FSTL4: variants seen among roughly 807,000 people sequenced by gnomAD.
The protein encoded by FSTL4 is follistatin like 4.
A neutral mutation model predicts 78.2 loss-of-function variants in FSTL4; 28 were observed. The ratio of observed to expected loss-of-function variants is 0.36; its 90% CI spans 0.27 to 0.49. The LOEUF (loss-of-function observed/expected upper bound fraction) is 0.49, where lower values mean the gene tolerates loss of function less well. Ranked by LOEUF, FSTL4 falls within the 20% of genes least tolerant of loss-of-function variation. The pLI is 0.98. For synonymous variants in FSTL4, 422 were observed against 440.5 expected, an observed-to-expected ratio of 0.96 and a Z score of 0.53; for missense variants, 922 against 1,084.9, an observed-to-expected ratio of 0.85 and a Z score of 2.11.
chr5:133,731,847 T>A, the FSTL4 span, among the ~76,000 whole-genome samples: 10 of 152,094 alleles, frequency 6.6e-5, no homozygotes, highest in African/African-American at 1.7e-4. Context: ...AGAGACTTAC[T>A]CCAAAAGAAA....
At chr5:133,266,912 T>C (rs1326557167) in intron 6 of FSTL4, among the ~76,000 whole-genome samples, 2 of 152,116 alleles carry the variant, frequency 1.3e-5, no homozygotes, top group African/African-American at 4.8e-5. Context: ...GGTCCTGACG[T>C]TTCTGGATCT....
the FSTL4 span, among the ~76,000 whole-genome samples, chr5:133,787,468 C>A: frequency 6.6e-6 from 1 of 152,198 alleles, no homozygotes; most frequent in Non-Finnish European, 1.5e-5. Flanking sequence ...GTCAGAGGCT[C>A]ACAAAACCAT....
At chr5:133,239,322 C>A (rs1751761757) in intron 7 of FSTL4, among the ~76,000 whole-genome samples, 1 of 151,924 alleles carries the variant, frequency 6.6e-6, no homozygotes, top group Non-Finnish European at 1.5e-5. Flanking sequence ...GTCCCATCAA[C>A]CACCCAAGGG....
intron 3 of FSTL4, among the ~76,000 whole-genome samples, chr5:133,455,902 G>C (rs1056134846): frequency 1.3e-5 from 2 of 152,218 alleles, no homozygotes; most frequent in African/African-American, 4.8e-5. Context: ...GCCTGGGCTA[G>C]CACCCAGAAG....
chr5:133,476,215 G>C (rs1025799880), intron 3 of FSTL4, among the ~76,000 whole-genome samples: 2 of 152,158 alleles, frequency 1.3e-5, no homozygotes, highest in Non-Finnish European at 2.9e-5. Flanking sequence ...CAAACCTTTG[G>C]AGGCTCTGTC....
At chr5:133,204,769 G>A (rs1057148498) in intron 14 of FSTL4, among the ~76,000 whole-genome samples, 1 of 150,838 alleles carries the variant, frequency 6.6e-6, no homozygotes, top group African/African-American at 2.5e-5. Context: ...CCGGGAAGAG[G>A]AGGTTGCAGT....
the FSTL4 span, among the ~76,000 whole-genome samples, chr5:133,790,072 G>A: frequency 7.9e-5 from 12 of 151,980 alleles, 1 homozygote; most frequent in African/African-American, 2.2e-4. Context: ...TCTGGTCTCC[G>A]CCTCTCCCTC....
intron 5 of FSTL4, among the ~76,000 whole-genome samples, chr5:133,316,094 G>A (rs1208358653): frequency 2.6e-5 from 4 of 152,206 alleles, no homozygotes; most frequent in African/African-American, 4.8e-5. Flanking sequence ...GATGTCCTAA[G>A]GTAGAAGACT....
At chr5:133,228,102 C>A (rs1160795231) in intron 8 of FSTL4, among the ~76,000 whole-genome samples, 5 of 152,126 alleles carry the variant, frequency 3.3e-5, no homozygotes, top group Non-Finnish European at 7.3e-5. Context: ...TGGCACACAC[C>A]TCTGGTCCCA....
At chr5:133,330,679 A>G (rs1483969023) in intron 4 of FSTL4, among the ~76,000 whole-genome samples, 1 of 152,208 alleles carries the variant, frequency 6.6e-6, no homozygotes, top group African/African-American at 2.4e-5. Flanking sequence ...TATATCCCTC[A>G]TATCAAATAT....
intron 3 of FSTL4, among the ~76,000 whole-genome samples, chr5:133,456,108 G>A (rs559541641): frequency 6.6e-6 from 1 of 152,358 alleles, no homozygotes; most frequent in African/African-American, 2.4e-5. Flanking sequence ...TCAGCCATGT[G>A]GATCAGTCTT....
the FSTL4 span, among the ~76,000 whole-genome samples, chr5:133,787,305 C>T: frequency 1.1e-4 from 16 of 152,232 alleles, no homozygotes; most frequent in Middle Eastern, 3.4e-3. Context: ...ACCATGTGTC[C>T]AGGACTGTGC....
At chr5:133,391,016 A>C (rs1395383475) in intron 4 of FSTL4, among the ~76,000 whole-genome samples, 1 of 152,212 alleles carries the variant, frequency 6.6e-6, no homozygotes, top group Non-Finnish European at 1.5e-5. Context: ...ACTAGGCAGC[A>C]GAGGAACCTG....
chr5:133,497,060 A>G (rs1332978824), intron 3 of FSTL4, among the ~76,000 whole-genome samples: 1 of 152,168 alleles, frequency 6.6e-6, no homozygotes, highest in African/African-American at 2.4e-5. Flanking sequence ...GTGCCGTGCT[A>G]TAAACATACT....
At chr5:133,373,241 T>C (rs990780505) in intron 4 of FSTL4, among the ~76,000 whole-genome samples, 1 of 152,178 alleles carries the variant, frequency 6.6e-6, no homozygotes, top group Non-Finnish European at 1.5e-5. Context: ...CTGCGGCTAT[T>C]ACGAAGAGCC....
the FSTL4 span, among the ~76,000 whole-genome samples, chr5:133,656,102 A>G: frequency 6.6e-6 from 1 of 152,132 alleles, no homozygotes; most frequent in Non-Finnish European, 1.5e-5. Flanking sequence ...CTAGAAGCAA[A>G]CCTGAGACAA....
At chr5:133,431,650 A>C (rs548892539) in intron 3 of FSTL4, among the ~76,000 whole-genome samples, 40 of 152,344 alleles carry the variant, frequency 2.6e-4, no homozygotes, top group African/African-American at 9.1e-4. Context: ...ACCCCAGTCA[A>C]TGCCACCTGA....
At chr5:133,312,142 C>T (rs955010073) in intron 6 of FSTL4, among the ~76,000 whole-genome samples, 18 of 152,136 alleles carry the variant, frequency 1.2e-4, no homozygotes, top group Non-Finnish European at 2.1e-4. Flanking sequence ...CAAACAGCAC[C>T]CACTTTCCCT....
chr5:133,454,596 C>A (rs982971043), intron 3 of FSTL4, among the ~76,000 whole-genome samples: 3 of 152,162 alleles, frequency 2.0e-5, no homozygotes, highest in African/African-American at 7.2e-5. Context: ...CCCTCAAAGG[C>A]GGCATTTCTC....
Sources: gnomAD v4.1 joint callset for allele counts (sites outside exome capture counted in the v4.1 genomes callset) on GRCh38, gnomAD v4.1.1 for gene constraint, MANE v1.5 for transcripts, NCBI Gene and HGNC (gene_info 2026-07-23, HGNC 2026-07-21) for gene names.